FAM135A: variants seen among roughly 807,000 people sequenced by gnomAD.
The protein encoded by FAM135A is protein FAM135A.
In FAM135A, 79 loss-of-function variants were observed where a neutral mutation model predicts 146.8. That is an observed-to-expected ratio of 0.54 (90% CI 0.45 to 0.65). FAM135A has a LOEUF of 0.65. Among genes scored for constraint, FAM135A ranks in the 30% least tolerant of loss-of-function variants. The pLI is 0.00. For synonymous variants in FAM135A, 562 were observed against 603.6 expected, an observed-to-expected ratio of 0.93 and a Z score of 1.01; for missense variants, 1,623 against 1,758.2, an observed-to-expected ratio of 0.92 and a Z score of 1.38.
intron 18 of FAM135A, 61 bp downstream of exon 18, chr6:70,533,915 A>G: frequency 1.1e-6 from 1 of 900,542 alleles, no homozygotes. Context: ...TAAAAGTTAA[A>G]CAGAATTTGT....
chr6:70,521,977 C>T (rs1339264965), intron 12 of FAM135A, among the ~76,000 whole-genome samples: 1 of 152,052 alleles, frequency 6.6e-6, no homozygotes, highest in East Asian at 1.9e-4. Context: ...AGTGCAAGGG[C>T]GCCATCTTGG....
intron 11 of FAM135A, 32 bp downstream of exon 11, chr6:70,491,115 G>C: frequency 6.6e-7 from 1 of 1,517,468 alleles, no homozygotes. Context: ...ACATCATCAA[G>C]TTATTTGAGT....
At chr6:70,415,202 C>T (rs1050035687) in intron 1 of FAM135A, 89 bp from the exon 2 acceptor site, 1 of 152,192 alleles carries the variant, frequency 6.6e-6, no homozygotes, top group African/African-American at 2.4e-5. Flanking sequence ...TTAAATAAAA[C>T]TTCTCTTTCC....
At chr6:70,493,146 T>A (rs900921348) in intron 11 of FAM135A, among the ~76,000 whole-genome samples, 1 of 152,090 alleles carries the variant, frequency 6.6e-6, no homozygotes, top group Non-Finnish European at 1.5e-5. Context: ...TCCATGAAGC[T>A]TGATACTGTT....
At chr6:70,507,119 A>G (rs1280166894) in intron 12 of FAM135A, among the ~76,000 whole-genome samples, 1 of 152,110 alleles carries the variant, frequency 6.6e-6, no homozygotes, top group Non-Finnish European at 1.5e-5. Context: ...ACCCCATTCC[A>G]GATACCAAGA....
intron 2 of FAM135A, among the ~76,000 whole-genome samples, chr6:70,419,509 G>C (rs1768302421): frequency 6.6e-6 from 1 of 152,102 alleles, no homozygotes; most frequent in Non-Finnish European, 1.5e-5. Context: ...AGACTACCTA[G>C]TATTAAATGT....
chr6:70,466,189 C>T (rs369400358), intron 5 of FAM135A, among the ~76,000 whole-genome samples: 133 of 152,138 alleles, frequency 8.7e-4, no homozygotes, highest in African/African-American at 2.9e-3. Context: ...CATTTTTTGA[C>T]GATTACATAA....
chr6:70,485,374 A>T (rs1344217672), intron 10 of FAM135A, among the ~76,000 whole-genome samples: 4 of 152,060 alleles, frequency 2.6e-5, no homozygotes, highest in African/African-American at 9.7e-5. Context: ...TCTTGAATGC[A>T]TCCTGTAAGA....
At chr6:70,547,902 C>G (rs1303090247) in intron 20 of FAM135A, among the ~76,000 whole-genome samples, 1 of 152,090 alleles carries the variant, frequency 6.6e-6, no homozygotes, top group Non-Finnish European at 1.5e-5. Context: ...GTCACTTTCC[C>G]AAATTAAAGG....
Position 70,502,720 on chromosome 6 carries a change from C to T in FAM135A, c.958C>T (p.Gln320Ter), listed in dbSNP as rs753000680. Residue 320 changes from glutamine to a stop codon, truncating the protein, a stop_gained, in exon 12 of 22, where the codon CAG becomes TAG. Transcript: ENST00000418814. LOFTEE classifies it high-confidence loss of function. ...CTCACTTTTGATGGCTTTATGGGGACAGTTTCTGGAAGTTATAACGCTACA... is the reference window on the plus strand; with the variant it reads ...CTCACTTTTGATGGCTTTATGGGGATAGTTTCTGGAAGTTATAACGCTACA... Reference protein sequence around the residue: ...LCSLLMALWGQFLEVITLHEE... With the variant: ...LCSLLMALWG 2.5e-6 allele frequency: 4 copies of T among 1,613,134 alleles called. 1 individual carries two copies. Among genetic ancestry groups the T allele is most frequent in the Non-Finnish European group, 3.4e-6 (4 of 1,179,540 alleles).
intron 10 of FAM135A, among the ~76,000 whole-genome samples, chr6:70,489,559 AATTT>A (rs1785460485): frequency 6.6e-6 from 1 of 152,164 alleles, no homozygotes; most frequent in African/African-American, 2.4e-5. Context: ...TAAGCAGCAG[AATTT>A]ATTTAAAGAG....
intron 18 of FAM135A, among the ~76,000 whole-genome samples, chr6:70,534,311 A>ATTTT: frequency 9.4e-6 from 1 of 106,812 alleles, no homozygotes; most frequent in Non-Finnish European, 1.9e-5. Flanking sequence ...AAGTTTGTAT[A>ATTTT]CTTTTTTTTT....
At chr6:70,519,185 A>C (rs944896578) in intron 12 of FAM135A, among the ~76,000 whole-genome samples, 1 of 152,208 alleles carries the variant, frequency 6.6e-6, no homozygotes, top group Admixed American at 6.5e-5. Flanking sequence ...CGACGAGTGG[A>C]GAAAATAACT....
intron 10 of FAM135A, chr6:70,486,317 T>C: frequency 3.2e-6 from 4 of 1,254,532 alleles, no homozygotes; most frequent in Non-Finnish European, 4.6e-6. Flanking sequence ...TAAATTAGCA[T>C]CAGATTTCAT....
intron 4 of FAM135A, among the ~76,000 whole-genome samples, chr6:70,435,901 T>C (rs1011872661): frequency 6.6e-6 from 1 of 152,144 alleles, no homozygotes; most frequent in Non-Finnish European, 1.5e-5. Flanking sequence ...GTTCATGAAC[T>C]TGCCGGGTGT....
chr6:70,507,479 A>C (rs533656333), intron 12 of FAM135A, among the ~76,000 whole-genome samples: 260 of 152,312 alleles, frequency 1.7e-3, no homozygotes, highest in Non-Finnish European at 2.5e-3. Context: ...AGTCACAGAA[A>C]TAAACCTCTG....
chr6:70,523,578 G>A (rs1273366983), intron 13 of FAM135A, among the ~76,000 whole-genome samples: 3 of 152,014 alleles, frequency 2.0e-5, no homozygotes, highest in African/African-American at 4.8e-5. Flanking sequence ...AATGAAACAC[G>A]TCTTTTTCCC....
At chr6:70,520,118 C>T (rs909084785) in intron 12 of FAM135A, among the ~76,000 whole-genome samples, 1 of 151,860 alleles carries the variant, frequency 6.6e-6, no homozygotes, top group African/African-American at 2.4e-5. Flanking sequence ...ACGTTCTCAT[C>T]ATTTCTTGTA....
intron 16 of FAM135A, 125 bp downstream of exon 16, chr6:70,528,577 C>T (rs1415266320): frequency 1.3e-6 from 1 of 765,594 alleles, no homozygotes; most frequent in African/African-American, 1.8e-5. Flanking sequence ...TTAATTGAAT[C>T]TTAAATGCAT....
Sources: allele counts gnomAD v4.1 joint callset (sites outside exome capture counted in the v4.1 genomes callset), GRCh38; gene constraint gnomAD v4.1.1; transcripts MANE v1.5; gene names NCBI Gene and HGNC (gene_info 2026-07-23, HGNC 2026-07-21).